NLRP14: variants seen among roughly 807,000 people sequenced by gnomAD.
NLRP14 encodes NACHT, LRR and PYD domains-containing protein 14.
Under a neutral mutation model 94.7 loss-of-function variants are expected in NLRP14, and 105 were observed. The observed-to-expected ratio is 1.11, with a 90% CI of 0.95 to 1.30. The LOEUF (loss-of-function observed/expected upper bound fraction) is 1.30, where lower values mean the gene tolerates loss of function less well. Among genes scored for constraint, NLRP14 ranks in the 50% most tolerant of loss-of-function variants. The probability of loss-of-function intolerance (pLI) is 0.00; values close to 1 mark genes in which losing one functional copy is unlikely to be tolerated. For missense variants in NLRP14, 1,362 were observed against 1,254.1 expected (o/e 1.09, Z -1.30); for synonymous variants, 508 against 459.9 (o/e 1.10, Z -1.34).
Position 7,043,819 on chromosome 11 carries a change from C to G in NLRP14, c.1793C>G (p.Ala598Gly), listed in dbSNP as rs148807230. 6.2e-7 allele frequency: 1 copy of G among 1,614,126 alleles called. No homozygotes were observed. The highest frequency in any genetic ancestry group is 1.3e-5 in the African/African-American group (1 of 75,046). The change falls in exon 4 of 12, where the codon GCA becomes GGA. Residue 598 changes from alanine to glycine, a missense_variant. Coordinates refer to ENST00000299481, the MANE Select transcript of NLRP14 (RefSeq NM_176822.4). ...ETQDKAFISQAMRCFPKVAIN... is the reference protein window; with the variant it reads ...ETQDKAFISQGMRCFPKVAIN... ...CAAGATAAAGCGTTTATAAGCCAGG[C>G]AATGAGATGTTTCCCAAAGGTTGCC... is the stretch of plus-strand genomic sequence containing the variant.
intron 1 of NLRP14, among the ~76,000 whole-genome samples, chr11:7,021,578 A>C (rs1851936323): frequency 6.6e-6 from 1 of 152,142 alleles, no homozygotes; most frequent in Non-Finnish European, 1.5e-5. Flanking sequence ...GTGGTAAGCA[A>C]GTTGTTTAAC....
chr11:7,089,247 C>G, the NLRP14 span: 1 of 1,612,320 alleles, frequency 6.2e-7, no homozygotes, highest in Non-Finnish European at 8.5e-7. Flanking sequence ...GATGAAAGAC[C>G]GAGAAACCAA....
the NLRP14 span, among the ~76,000 whole-genome samples, chr11:7,080,057 A>C: frequency 6.6e-6 from 1 of 152,230 alleles, no homozygotes; most frequent in Non-Finnish European, 1.5e-5. Flanking sequence ...AGAGTAAGGA[A>C]GTCTGGCTTT....
intron 4 of NLRP14, among the ~76,000 whole-genome samples, chr11:7,046,238 A>G (rs1255354257): frequency 6.6e-6 from 1 of 152,188 alleles, no homozygotes; most frequent in East Asian, 1.9e-4. Context: ...TATGGCTAGT[A>G]AGTGGTAGAC....
rs1852353026 is a variant in NLRP14, at chr11:7,046,557, C to G, written c.1959-111C>G. 3 of 1,003,226 alleles carry G rather than the reference C, an allele frequency of 3.0e-6. No individual in the cohort carries two copies. In the South Asian group the frequency reaches 3.9e-5, roughly 13 times the overall value. The allele number at this position is 1,003,226 out of a possible 1,614,324, so 62.1% of individuals were successfully genotyped here. A position where few individuals can be genotyped will look rare whatever the true frequency, so the allele number is the denominator to read the frequency against. On this transcript the variant is annotated intron_variant, in intron 4 of 11. Transcript: ENST00000299481. ...GCCCACGGTGGAGCTGCACTGGATG[C>G]TCTTGCCTTTCCAAAGTACACTTAC... is the stretch of plus-strand genomic sequence containing the variant.
chr11:7,068,210 T>C (rs960966445), intron 10 of NLRP14, among the ~76,000 whole-genome samples: 4 of 152,156 alleles, frequency 2.6e-5, no homozygotes, highest in African/African-American at 9.7e-5. Context: ...TACATCTACA[T>C]TCTATTTCAT....
chr11:7,031,277 T>G (rs1034873103), intron 1 of NLRP14, among the ~76,000 whole-genome samples: 25 of 152,136 alleles, frequency 1.6e-4, no homozygotes, highest in Non-Finnish European at 2.9e-4. Context: ...CACTCTAAAA[T>G]GGGAAGTTGG....
intron 10 of NLRP14, among the ~76,000 whole-genome samples, chr11:7,065,120 A>C (rs1565026581): frequency 6.6e-6 from 1 of 152,076 alleles, no homozygotes; most frequent in Non-Finnish European, 1.5e-5. Flanking sequence ...TTACATACAT[A>C]TGTACTGCCC....
chr11:7,055,215 T>G (rs1852500687), intron 6 of NLRP14, among the ~76,000 whole-genome samples: 1 of 152,122 alleles, frequency 6.6e-6, no homozygotes, highest in Admixed American at 6.6e-5. Flanking sequence ...ATGATTCACC[T>G]TGGTTTAGAA....
rs746843493 is a variant in NLRP14 at position 7,059,934 on chromosome 11, C to T, written c.2674C>T (p.Leu892=). The change falls in exon 9 of 12, where the codon CTG becomes TTG. Residue 892 remains leucine (L), a synonymous_variant. Coordinates refer to ENST00000299481, the MANE Select transcript of NLRP14 (RefSeq NM_176822.4). ...TTTCACTTCACTTAGCAGTGAATATCTGTCAACTTCTCTTCTACACAACAA... is the reference window on the plus strand; with the variant it reads ...TTTCACTTCACTTAGCAGTGAATATTTGTCAACTTCTCTTCTACACAACAA... ...CHFTSLSSEY[L]STSLLHNKSL... 1.9e-6 allele frequency: 3 copies of T among 1,612,500 alleles called. No individual in the cohort carries two copies. In the East Asian group the frequency reaches 6.7e-5, roughly 36 times the overall value.
rs377471816 is a variant in NLRP14 at position 7,039,706 on chromosome 11, T to C, written c.290-8T>C. Reference sequence around the variant, plus strand: ...TAAATATCATGATCCTATCGGAACCTGTTGCAGGGTCGGCCCAGACTATAG... The same window carrying C: ...TAAATATCATGATCCTATCGGAACCCGTTGCAGGGTCGGCCCAGACTATAG... On this transcript the variant is annotated splice_region_variant and splice_polypyrimidine_tract_variant and intron_variant, in intron 2 of 11. Coordinates refer to ENST00000299481, the MANE Select transcript of NLRP14 (RefSeq NM_176822.4). 1 of 1,610,540 alleles carries C rather than the reference T, an allele frequency of 6.2e-7. No individual in the cohort carries two copies.
intron 6 of NLRP14, among the ~76,000 whole-genome samples, chr11:7,052,924 G>T (rs1377812351): frequency 6.6e-6 from 1 of 152,160 alleles, no homozygotes; most frequent in Non-Finnish European, 1.5e-5. Context: ...CCAGCAAGCA[G>T]AGACTAAACT....
chr11:7,079,381 G>C, the NLRP14 span, among the ~76,000 whole-genome samples: 1 of 152,002 alleles, frequency 6.6e-6, no homozygotes, highest in Non-Finnish European at 1.5e-5. Context: ...ACCTTCACTC[G>C]TCATTCAGAT....
chr11:7,031,581 C>G (rs534458720), intron 1 of NLRP14, among the ~76,000 whole-genome samples: 1 of 152,124 alleles, frequency 6.6e-6, no homozygotes, highest in Non-Finnish European at 1.5e-5. Context: ...GCAGTGCCCG[C>G]TTCTTGAATC....
chr11:7,048,369 TC>T (rs1252665206), intron 5 of NLRP14, among the ~76,000 whole-genome samples: 1 of 152,224 alleles, frequency 6.6e-6, no homozygotes, highest in Non-Finnish European at 1.5e-5. Context: ...GTGTAAGGAC[TC>T]CACTAGGAGC....
chr11:7,023,419 A>G (rs1234435469), intron 1 of NLRP14, among the ~76,000 whole-genome samples: 2 of 146,388 alleles, frequency 1.4e-5, no homozygotes, highest in Admixed American at 6.8e-5. Context: ...ATTTTTATAT[A>G]AAAACATTTG....
At chr11:7,060,124 C>G in intron 9 of NLRP14, 60 bp downstream of exon 9, 1 of 1,431,096 alleles carries the variant, frequency 7.0e-7, no homozygotes, top group Admixed American at 1.7e-5. Context: ...TGGGGAGATA[C>G]TGAAAGAAAG....
chr11:7,065,135 A>G (rs1852686141), intron 10 of NLRP14, among the ~76,000 whole-genome samples: 1 of 151,992 alleles, frequency 6.6e-6, no homozygotes, highest in Non-Finnish European at 1.5e-5. Flanking sequence ...CTGCCCCCCA[A>G]CCTACCTATA....
downstream of NLRP14, among the ~76,000 whole-genome samples, chr11:7,074,864 T>C (rs1476189229): frequency 6.6e-6 from 1 of 152,200 alleles, no homozygotes; most frequent in African/African-American, 2.4e-5. Context: ...GATTATATAG[T>C]TTTCAGACTT....
Sources: allele counts gnomAD v4.1 joint callset (sites outside exome capture counted in the v4.1 genomes callset), GRCh38; gene constraint gnomAD v4.1.1; transcripts MANE v1.5; gene names NCBI Gene and HGNC (gene_info 2026-07-23, HGNC 2026-07-21).